Variants in TPST2 observed in about 807,000 individuals in gnomAD.
TPST2 encodes protein-tyrosine sulfotransferase 2.
A neutral mutation model predicts 27.8 loss-of-function variants in TPST2; 16 were observed. The observed-to-expected ratio is 0.58, with a 90% CI of 0.39 to 0.88. TPST2 has a LOEUF of 0.88. Among genes scored for constraint, TPST2 ranks in the 40% least tolerant of loss-of-function variants. The probability of loss-of-function intolerance (pLI) is 0.00; values close to 1 mark genes in which losing one functional copy is unlikely to be tolerated. For missense variants in TPST2, 464 were observed against 543.1 expected, an observed-to-expected ratio of 0.85 and a Z score of 1.45; for synonymous variants, 229 against 231.7, an observed-to-expected ratio of 0.99 and a Z score of 0.10.
rs1402609843 is a variant in TPST2, at chr22:26,523,718, G to GC, written c.*2556dup. On this transcript the variant is annotated 3_prime_UTR_variant, in exon 7 of 7. Coordinates refer to ENST00000338754, the MANE Select transcript of TPST2 (RefSeq NM_003595.5). ...TCCTGCCTCAGCCTCCCAAGTAGCTGCAACTACAGGCATGCGCCACGACGC... is the reference window on the plus strand; with the variant it reads ...TCCTGCCTCAGCCTCCCAAGTAGCTGCCAACTACAGGCATGCGCCACGACGC... 6.6e-6 allele frequency: 1 copy of GC among 152,182 alleles called. No individual in the cohort carries two copies. Among genetic ancestry groups the GC allele is most frequent in the Non-Finnish European group, 1.5e-5 (1 of 68,100 alleles). The allele number at this position is 152,182 out of a possible 1,614,324, so 9.4% of individuals were successfully genotyped here. A position where few individuals can be genotyped will look rare whatever the true frequency, so the allele number is the denominator to read the frequency against.
chr22:26,530,896 C>G (rs1050290465), intron 5 of TPST2, among the ~76,000 whole-genome samples: 7 of 151,940 alleles, frequency 4.6e-5, no homozygotes, highest in African/African-American at 4.8e-5. Context: ...GTAATCCCAG[C>G]TACTTGAGAG....
chr22:26,545,842 G>A (rs1926088700), intron 1 of TPST2, among the ~76,000 whole-genome samples: 1 of 152,184 alleles, frequency 6.6e-6, no homozygotes, highest in Non-Finnish European at 1.5e-5. Flanking sequence ...CACTTTGGGA[G>A]GCAGAGGCAG....
chr22:26,587,387 A>G (rs1928385044), intron 1 of TPST2, among the ~76,000 whole-genome samples: 2 of 152,112 alleles, frequency 1.3e-5, no homozygotes, highest in South Asian at 4.1e-4. Flanking sequence ...CTTAGACCGG[A>G]GTGCAGTGGT....
At chr22:26,589,725 C>G (rs865867993) in intron 1 of TPST2, among the ~76,000 whole-genome samples, 3 of 152,192 alleles carry the variant, frequency 2.0e-5, no homozygotes, top group Non-Finnish European at 2.9e-5. Flanking sequence ...CGCCCTCCCC[C>G]CCAGTCCCCC....
chr22:26,554,330 T>A (rs1221404362), intron 1 of TPST2, among the ~76,000 whole-genome samples: 1 of 152,186 alleles, frequency 6.6e-6, no homozygotes, highest in African/African-American at 2.4e-5. Context: ...GCACAGCCCC[T>A]GCTCAGGACT....
intron 3 of TPST2, among the ~76,000 whole-genome samples, chr22:26,537,005 G>A (rs1925508265): frequency 1.3e-5 from 2 of 152,194 alleles, no homozygotes; most frequent in East Asian, 3.9e-4. Context: ...AGCCTGAGCT[G>A]TGATTGCACC....
At chr22:26,532,454 T>A (rs556873023) in intron 5 of TPST2, among the ~76,000 whole-genome samples, 1 of 152,290 alleles carries the variant, frequency 6.6e-6, no homozygotes, top group African/African-American at 2.4e-5. Context: ...ATAATTTTTG[T>A]ATTTTTAGTA....
At chr22:26,555,989 C>T (rs1039636525) in intron 1 of TPST2, among the ~76,000 whole-genome samples, 1 of 152,206 alleles carries the variant, frequency 6.6e-6, no homozygotes, top group African/African-American at 2.4e-5. Flanking sequence ...TGCCATGGAT[C>T]TCTTCAACCA....
chr22:26,547,236 C>T (rs1926176155), intron 1 of TPST2, among the ~76,000 whole-genome samples: 1 of 152,090 alleles, frequency 6.6e-6, no homozygotes, highest in Non-Finnish European at 1.5e-5. Flanking sequence ...GTATCCAGGA[C>T]TACAGGTGCA....
At chr22:26,577,648 CAT>C (rs1491095104) in intron 1 of TPST2, among the ~76,000 whole-genome samples, 8 of 131,748 alleles carry the variant, frequency 6.1e-5, no homozygotes, top group South Asian at 2.5e-4. Flanking sequence ...TGCACCCGGC[CAT>C]TTTTTTTTTT....
In TPST2 at chr22:26,535,831, A is replaced by C. The variant is rs532689799; in HGVS notation, c.1041+457T>G. Reference sequence around the variant, plus strand: ...CCCTTCACCATCTTAACTAAGGAGAATTTTAAGCATAATTTAAACAGCCCT... The same window carrying C: ...CCCTTCACCATCTTAACTAAGGAGACTTTTAAGCATAATTTAAACAGCCCT... On this transcript the variant is annotated intron_variant, in intron 4 of 6. Transcript: ENST00000338754. 2.1e-4 allele frequency: 68 copies of C among 323,108 alleles called. 1 individual carries two copies. Among genetic ancestry groups the C allele is most frequent in the South Asian group, 1.7e-3 (65 of 38,110 alleles). 20.0% of individuals were successfully genotyped at this position (323,108 alleles called of 1,614,324 possible). A position where few individuals can be genotyped will look rare whatever the true frequency, so the allele number is the denominator to read the frequency against.
intron 1 of TPST2, among the ~76,000 whole-genome samples, chr22:26,566,312 G>T (rs187221063): frequency 1.3e-5 from 2 of 152,144 alleles, no homozygotes; most frequent in Non-Finnish European, 2.9e-5. Context: ...CAGCACTTTG[G>T]GGGGCCGAGG....
At chr22:26,559,654 G>A (rs909969553) in intron 1 of TPST2, among the ~76,000 whole-genome samples, 1 of 152,180 alleles carries the variant, frequency 6.6e-6, no homozygotes, top group Non-Finnish European at 1.5e-5. Flanking sequence ...CACAAAGCAT[G>A]TTCTTTAATG....
At chr22:26,559,321 G>A (rs1452568613) in intron 1 of TPST2, among the ~76,000 whole-genome samples, 2 of 152,204 alleles carry the variant, frequency 1.3e-5, no homozygotes, top group Non-Finnish European at 2.9e-5. Flanking sequence ...AGCCAAAATT[G>A]CGCCACTGCG....
At chr22:26,528,429 C>CA (rs773824052) in intron 5 of TPST2, among the ~76,000 whole-genome samples, 167 bp from the exon 6 acceptor site, 1 of 152,274 alleles carries the variant, frequency 6.6e-6, no homozygotes, top group East Asian at 1.9e-4. Context: ...GTGAGCGGGA[C>CA]AGACCCAAAC....
intron 1 of TPST2, among the ~76,000 whole-genome samples, chr22:26,586,118 T>C (rs868757738): frequency 1.3e-5 from 2 of 152,122 alleles, no homozygotes; most frequent in South Asian, 4.1e-4. Context: ...CACATCTTAG[T>C]TCTGAATGGT....
chr22:26,533,086 G>A (rs1177611395), intron 4 of TPST2, among the ~76,000 whole-genome samples: 1 of 152,168 alleles, frequency 6.6e-6, no homozygotes, highest in African/African-American at 2.4e-5. Flanking sequence ...GGGATTAGGA[G>A]TAACCAGGGG....
At position 26,541,550 on chromosome 22, in the gene TPST2, C is replaced by T; in HGVS notation, c.81G>A (p.Gln27=). Residue 27 remains glutamine, a synonymous_variant, in exon 3 of 7, where the codon CAG becomes CAA. Coordinates refer to ENST00000338754, the MANE Select transcript of TPST2 (RefSeq NM_003595.5). The surrounding 1 kb of genome is among the most constrained non-coding windows in gnomAD (Gnocchi z 5.9). ...CCAGCACCGCCCGGCACTCTAGCAC[C>T]TGCTGTCCCAGCTGAACCGCCAGCA... is the stretch of plus-strand genomic sequence containing the variant. The part of the protein sequence containing the change: ...VLVLAVQLGQ[Q]VLECRAVLAG... 6.2e-7 allele frequency: 1 copy of T among 1,611,072 alleles called. No homozygotes were observed. Among genetic ancestry groups the T allele is most frequent in the Non-Finnish European group, 8.5e-7 (1 of 1,179,160 alleles).
rs4149475 is a variant in TPST2 at position 26,535,570 on chromosome 22, G to C, written c.1041+718C>G. Among the ~76,000 whole-genome samples, 546 of 152,318 alleles carry C rather than the reference G, an allele frequency of 3.6e-3. 16 individuals are homozygous for C. In the East Asian group the frequency reaches 0.071, roughly 20 times the overall value. ...GAAGCAGGGGCATCCCTTACGGCCA[G>C]GAGTTCTAGACCAGCCTGGGCAACG... On this transcript the variant is annotated intron_variant, in intron 4 of 6. Transcript: ENST00000338754.
Sources: allele counts gnomAD v4.1 joint callset (sites outside exome capture counted in the v4.1 genomes callset), GRCh38; gene constraint gnomAD v4.1.1; non-coding constraint Gnocchi (gnomAD v3.1); transcripts MANE v1.5; gene names NCBI Gene and HGNC (gene_info 2026-07-23, HGNC 2026-07-21).